Variants in RAVER2 observed in about 807,000 individuals in gnomAD.
RAVER2 encodes ribonucleoprotein PTB-binding 2.
RAVER2 carries 46 observed loss-of-function variants against 78.1 expected under a neutral mutation model. The ratio of observed to expected loss-of-function variants is 0.59; its 90% confidence interval spans 0.46 to 0.75. RAVER2 has a LOEUF of 0.75. Ranked by LOEUF, RAVER2 falls within the 30% of genes least tolerant of loss-of-function variation. The pLI is 0.00. For synonymous variants in RAVER2, 311 were observed against 313.3 expected (o/e 0.99, Z 0.08); for missense variants, 793 against 837.5 (o/e 0.95, Z 0.66).
chr1:64,822,304 C>T (rs909862005), intron 11 of RAVER2, among the ~76,000 whole-genome samples: 3 of 151,994 alleles, frequency 2.0e-5, no homozygotes, highest in East Asian at 1.9e-4. Context: ...AAACAAAGTA[C>T]GAGAACAACA....
exon 4 of RAVER2, chr1:64,781,463 G>C: frequency 6.2e-7 from 1 of 1,614,046 alleles, no homozygotes; most frequent in South Asian, 1.1e-5. Flanking sequence ...AGGTCCAGCA[G>C]GCAGCAGACG....
chr1:64,826,457 C>A (rs1231924030), intron 11 of RAVER2, among the ~76,000 whole-genome samples: 1 of 152,080 alleles, frequency 6.6e-6, no homozygotes, highest in Non-Finnish European at 1.5e-5. Flanking sequence ...ACAGCAAGTG[C>A]AAAGGTACTG....
chr1:64,767,942 T>C (rs1307254270), intron 1 of RAVER2, among the ~76,000 whole-genome samples: 1 of 151,990 alleles, frequency 6.6e-6, no homozygotes, highest in African/African-American at 2.4e-5. Flanking sequence ...GCTATGTTAA[T>C]AATAGAAGCA....
chr1:64,772,600 G>A (rs1411029034), intron 2 of RAVER2, among the ~76,000 whole-genome samples: 2 of 152,174 alleles, frequency 1.3e-5, no homozygotes, highest in Non-Finnish European at 2.9e-5. Context: ...TTAACTCTAA[G>A]AGAGGATCAG....
intron 11 of RAVER2, among the ~76,000 whole-genome samples, chr1:64,823,963 T>G (rs1282618495): frequency 6.6e-6 from 1 of 152,058 alleles, no homozygotes; most frequent in Non-Finnish European, 1.5e-5. Context: ...CCCACCACCA[T>G]GCCCAGCTAA....
chr1:64,750,307 C>CTTT (rs563534320), intron 1 of RAVER2, among the ~76,000 whole-genome samples: 8 of 138,758 alleles, frequency 5.8e-5, no homozygotes, highest in African/African-American at 2.1e-4. Context: ...TTTTTCTTTT[C>CTTT]TTTTTTTTTT....
chr1:64,818,700 C>T (rs897431430), intron 11 of RAVER2, among the ~76,000 whole-genome samples: 2 of 152,076 alleles, frequency 1.3e-5, no homozygotes, highest in Non-Finnish European at 2.9e-5. Flanking sequence ...TTGCCTAATA[C>T]CACTCCCTAG....
intron 8 of RAVER2, among the ~76,000 whole-genome samples, chr1:64,805,926 G>A (rs541362634): frequency 6.6e-6 from 1 of 152,160 alleles, no homozygotes; most frequent in South Asian, 2.1e-4. Context: ...ATGCAAATAT[G>A]TATTATTTGT....
intron 11 of RAVER2, among the ~76,000 whole-genome samples, chr1:64,817,311 G>A (rs1263163066): frequency 6.6e-6 from 1 of 152,208 alleles, no homozygotes; most frequent in Admixed American, 6.5e-5. Flanking sequence ...TGGTGGGACT[G>A]TAAACTAGTT....
intron 11 of RAVER2, among the ~76,000 whole-genome samples, chr1:64,825,558 T>G (rs1304520188): frequency 2.0e-5 from 3 of 152,238 alleles, no homozygotes; most frequent in Admixed American, 6.5e-5. Flanking sequence ...CAGATGAGCC[T>G]AATGGAATTC....
intron 2 of RAVER2, among the ~76,000 whole-genome samples, chr1:64,769,798 G>T (rs1652265878): frequency 6.6e-6 from 1 of 151,982 alleles, no homozygotes; most frequent in African/African-American, 2.4e-5. Context: ...CTTTTGTTTT[G>T]TTATGCCATT....
intron 9 of RAVER2, among the ~76,000 whole-genome samples, chr1:64,808,456 CTTTTTT>C (rs71584460): frequency 9.7e-6 from 1 of 103,164 alleles, no homozygotes; most frequent in East Asian, 3.1e-4. Context: ...TAATGCAGTC[CTTTTTT>C]TTTTTTTTTT....
At chr1:64,814,260 A>G (rs893582914) in intron 10 of RAVER2, among the ~76,000 whole-genome samples, 4 of 151,914 alleles carry the variant, frequency 2.6e-5, no homozygotes, top group African/African-American at 4.8e-5. Context: ...ATTCCTGGCA[A>G]ATTTTTATAT....
chr1:64,789,281 T>A, intron 4 of RAVER2, 107 bp from the exon 5 acceptor site: 1 of 954,834 alleles, frequency 1.0e-6, no homozygotes, highest in East Asian at 3.0e-5. Flanking sequence ...ATGTTTATCA[T>A]AAAATAGATC....
intron 1 of RAVER2, among the ~76,000 whole-genome samples, chr1:64,754,677 T>C (rs558576455): frequency 1.1e-3 from 174 of 152,318 alleles, no homozygotes; most frequent in Non-Finnish European, 2.1e-3. Context: ...GCATATTATT[T>C]CAAGGGGGTA....
At chr1:64,816,022 T>C (rs1653747949) in intron 11 of RAVER2, 6 of 152,206 alleles carry the variant, frequency 3.9e-5, no homozygotes, top group Admixed American at 3.3e-4. Context: ...TTACAAGATA[T>C]AGTCCTGTAC....
At chr1:64,784,805 C>T (rs573253610) in intron 4 of RAVER2, among the ~76,000 whole-genome samples, 9 of 152,324 alleles carry the variant, frequency 5.9e-5, no homozygotes, top group Non-Finnish European at 8.8e-5. Context: ...CACCCACTTT[C>T]TAATGTAAAT....
chr1:64,778,400 A>G (rs1652533421), intron 3 of RAVER2, among the ~76,000 whole-genome samples: 1 of 152,130 alleles, frequency 6.6e-6, no homozygotes, highest in Admixed American at 6.6e-5. Context: ...TTTATTTACC[A>G]TCTTCTGTGT....
Position 64,830,703 on chromosome 1 carries a change from AT to A in RAVER2, c.1930-130del. On this transcript the variant is annotated intron_variant, in intron 11 of 11. Coordinates refer to ENST00000294428, the Ensembl canonical transcript of RAVER2. The stretch of plus-strand genomic sequence containing the variant: ...TCTTATTTAACAAAGGGGTTTGTGT[AT>A]TTTTTGATAGTTTGGGTATTTATCC... The A allele has an allele frequency of 6.6e-6, 5 of 757,026 alleles. No homozygotes were observed. The South Asian group carries it at 7.6e-5, about 12-fold the overall frequency. 46.9% of individuals were successfully genotyped at this position (757,026 alleles called of 1,614,324 possible).
Sources: gnomAD v4.1 joint callset for allele counts (sites outside exome capture counted in the v4.1 genomes callset) on GRCh38, gnomAD v4.1.1 for gene constraint, MANE v1.5 for transcripts, NCBI Gene and HGNC (gene_info 2026-07-23, HGNC 2026-07-21) for gene names.